The following DNMBP variants were observed in gnomAD, a reference collection of about 807,000 sequenced individuals.
The protein encoded by DNMBP is dynamin-binding protein.
DNMBP carries 87 observed loss-of-function variants against 150.0 expected under a neutral mutation model. The ratio of observed to expected loss-of-function variants is 0.58; its 90% confidence interval spans 0.49 to 0.69. The LOEUF (loss-of-function observed/expected upper bound fraction) is 0.69, where lower values mean the gene tolerates loss of function less well. DNMBP is among the 30% of genes least tolerant of loss of function. The pLI is 0.00. For synonymous variants in DNMBP, 711 were observed against 750.4 expected (o/e 0.95, Z 0.86); for missense variants, 1,774 against 1,949.0 (o/e 0.91, Z 1.69).
chr10:99,909,993 C>T (rs1488753262), intron 4 of DNMBP, among the ~76,000 whole-genome samples: 1 of 152,184 alleles, frequency 6.6e-6, no homozygotes, highest in African/African-American at 2.4e-5. Context: ...GAGCATTAAA[C>T]ATGGTAATAA....
Position 99,886,290 on chromosome 10 carries a change from A to G in DNMBP, c.3618+10T>C. 3 of 1,607,770 alleles carry G rather than the reference A, an allele frequency of 1.9e-6. No homozygotes were observed. Among genetic ancestry groups the G allele is most frequent in the Non-Finnish European group, 2.6e-6 (3 of 1,175,024 alleles). The stretch of plus-strand genomic sequence containing the variant: ...AGATGACCATCCCACTGAACAGGTA[A>G]GAAACTCACCGAAAGCAGTGGCTTT... On this transcript the variant is annotated intron_variant, in intron 13 of 16. Transcript: ENST00000324109.
intron 1 of DNMBP, among the ~76,000 whole-genome samples, chr10:99,975,722 A>G (rs1226189358): frequency 1.3e-5 from 2 of 152,216 alleles, no homozygotes; most frequent in Admixed American, 6.5e-5. Context: ...TTCTGTAGTC[A>G]GAGAGACCCA....
At chr10:99,981,677 G>A (rs2040781292) in intron 1 of DNMBP, among the ~76,000 whole-genome samples, 1 of 152,070 alleles carries the variant, frequency 6.6e-6, no homozygotes, top group Non-Finnish European at 1.5e-5. Context: ...GCCCTTTCAG[G>A]TCTGCCCCAG....
At position 99,994,569 on chromosome 10, in the gene DNMBP, G is replaced by A. The variant is rs138315220; in HGVS notation, c.-11+15269C>T. On this transcript the variant is annotated intron_variant, in intron 1 of 16. Transcript: ENST00000324109. ...TGGTCACCAGGACAACGCAATTGAC[G>A]TGCCCCTCTACTCTAAGCTCTAAAA... is the stretch of plus-strand genomic sequence containing the variant. 2.0e-4 allele frequency among the ~76,000 whole-genome samples: 30 copies of A among 152,250 alleles called. No homozygotes were observed. The East Asian group carries it at 4.2e-3, about 22-fold the overall frequency.
At chr10:99,962,112 C>G (rs1380695132) in intron 3 of DNMBP, among the ~76,000 whole-genome samples, 19 of 151,888 alleles carry the variant, frequency 1.3e-4, no homozygotes, top group Non-Finnish European at 2.1e-4. Context: ...CTGTCTATAG[C>G]CTAGAAAAGA....
intron 4 of DNMBP, among the ~76,000 whole-genome samples, chr10:99,944,788 T>A (rs1311272986): frequency 6.6e-6 from 1 of 152,194 alleles, no homozygotes; most frequent in South Asian, 2.1e-4. Context: ...TAATTCCAAA[T>A]TTAAAACTCC....
At chr10:100,000,883 A>AAC (rs1554875527) in intron 1 of DNMBP, among the ~76,000 whole-genome samples, 3 of 149,924 alleles carry the variant, frequency 2.0e-5, no homozygotes, top group Non-Finnish European at 4.4e-5. Flanking sequence ...AAAAAAAAAA[A>AAC]AAAACCCAGC....
At chr10:100,005,768 A>AAAAAAAAAAAAC (rs2041062504) in intron 1 of DNMBP, among the ~76,000 whole-genome samples, 1 of 132,900 alleles carries the variant, frequency 7.5e-6, no homozygotes, top group Non-Finnish European at 1.6e-5. Flanking sequence ...AGTCTCCAAA[A>AAAAAAAAAAAAC]AAAAAAAAAA....
chr10:99,923,186 C>G (rs189234121), intron 4 of DNMBP, among the ~76,000 whole-genome samples: 3 of 151,984 alleles, frequency 2.0e-5, no homozygotes, highest in South Asian at 2.1e-4. Flanking sequence ...GTCAGGAGTT[C>G]GACTCCAGCC....
chr10:99,885,624 C>T, intron 14 of DNMBP, 63 bp downstream of exon 14: 1 of 1,432,384 alleles, frequency 7.0e-7, no homozygotes, highest in South Asian at 1.4e-5. Context: ...GCCTGGGGGC[C>T]TGGCTGCAGG....
At chr10:99,990,959 T>C (rs1289655888) in intron 1 of DNMBP, among the ~76,000 whole-genome samples, 1 of 152,108 alleles carries the variant, frequency 6.6e-6, no homozygotes. Context: ...AACAGGTTTA[T>C]TGAGACATAA....
chr10:99,907,597 T>C (rs954210563), intron 6 of DNMBP, among the ~76,000 whole-genome samples: 1 of 152,016 alleles, frequency 6.6e-6, no homozygotes, highest in African/African-American at 2.4e-5. Context: ...GGTTTCACCA[T>C]GTTGGCCAGG....
At chr10:99,879,753 TACCC>T in intron 16 of DNMBP, 54 bp downstream of exon 16, 1 of 1,593,440 alleles carries the variant, frequency 6.3e-7, no homozygotes, top group Non-Finnish European at 8.6e-7. Context: ...CCCCCGCTGG[TACCC>T]ACAACACATC....
At chr10:99,922,978 C>T (rs537811362) in intron 4 of DNMBP, among the ~76,000 whole-genome samples, 1 of 152,274 alleles carries the variant, frequency 6.6e-6, no homozygotes, top group Admixed American at 6.5e-5. Flanking sequence ...CAAATAGCTT[C>T]AGACATTGAC....
intron 3 of DNMBP, among the ~76,000 whole-genome samples, chr10:99,960,744 T>TG (rs1259411855): frequency 6.6e-6 from 1 of 152,108 alleles, no homozygotes; most frequent in African/African-American, 2.4e-5. Flanking sequence ...AGGCAGAGGT[T>TG]GCAGTGAGCT....
rs1225011521 is a variant in DNMBP, at chr10:99,955,319, G to A, written c.2155C>T (p.Leu719=). 1.2e-6 allele frequency: 2 copies of A among 1,614,142 alleles called. No homozygotes were observed. Among genetic ancestry groups the A allele is most frequent in the Non-Finnish European group, 1.7e-6 (2 of 1,180,024 alleles). ...SRAQEELNLM[L]EEKQDESSRA... is the part of the protein sequence containing the mutation. ...GATGATTCATCCTGCTTCTCCTCCAGCATGAGGTTTAGCTCTTCTTGAGCT... is the reference window on the plus strand; with the variant it reads ...GATGATTCATCCTGCTTCTCCTCCAACATGAGGTTTAGCTCTTCTTGAGCT... Residue 719 remains leucine (L), a synonymous_variant, in exon 4 of 17, where the codon CTG becomes TTG. Coordinates refer to ENST00000324109, the MANE Select transcript of DNMBP (RefSeq NM_015221.4).
chr10:99,898,721 A>C, intron 8 of DNMBP, 22 bp downstream of exon 8: 3 of 1,613,452 alleles, frequency 1.9e-6, no homozygotes, highest in Non-Finnish European at 2.5e-6. Context: ...GAGCGCATAC[A>C]TCAAGCAGCA....
intron 11 of DNMBP, among the ~76,000 whole-genome samples, chr10:99,891,916 TG>T (rs1201632881): frequency 6.3e-5 from 8 of 127,996 alleles, no homozygotes; most frequent in South Asian, 2.7e-4. Flanking sequence ...GGGAGGGAGG[TG>T]GGGGGGTCAG....
chr10:99,930,561 T>C, intron 4 of DNMBP: 1 of 702,950 alleles, frequency 1.4e-6, no homozygotes, highest in Non-Finnish European at 2.6e-6. Flanking sequence ...AAAATCCCAG[T>C]ATCCACAATC....
Sources: gnomAD v4.1 joint callset for allele counts (sites outside exome capture counted in the v4.1 genomes callset) on GRCh38, gnomAD v4.1.1 for gene constraint, MANE v1.5 for transcripts, NCBI Gene and HGNC (gene_info 2026-07-23, HGNC 2026-07-21) for gene names.